Variants in KAT6A observed in about 807,000 individuals in gnomAD.
KAT6A encodes lysine acetyltransferase 6A.
A neutral mutation model predicts 198.4 loss-of-function variants in KAT6A; 9 were observed. The observed-to-expected ratio is 0.05, with a 90% CI of 0.03 to 0.08. The LOEUF is 0.08. Ranked by LOEUF, KAT6A falls within the 10% of genes least tolerant of loss-of-function variation. The pLI, the probability that KAT6A is intolerant of heterozygous loss-of-function variation, is 1.00. For synonymous variants in KAT6A, 890 were observed against 883.0 expected (o/e 1.01, Z -0.14); for missense variants, 2,077 against 2,509.9 (o/e 0.83, Z 3.69).
At chr8:41,951,809 A>AT (rs935549735) in intron 9 of KAT6A, among the ~76,000 whole-genome samples, 16 of 152,340 alleles carry the variant, frequency 1.1e-4, no homozygotes, top group African/African-American at 3.6e-4. Flanking sequence ...CTTGTAGCAA[A>AT]TTTTTAATGT....
chr8:42,025,208 T>TTG (rs1554696905), intron 2 of KAT6A, among the ~76,000 whole-genome samples: 1 of 151,958 alleles, frequency 6.6e-6, no homozygotes, highest in African/African-American at 2.4e-5. Flanking sequence ...CTGAGGTTTT[T>TTG]TTTTGTTTTG....
chr8:42,031,041 G>A lies in KAT6A; in HGVS notation c.600+17337C>T, dbSNP rs1185032454. Among the ~76,000 whole-genome samples the A allele has an allele frequency of 4.4e-5, 6 of 135,932 alleles. 2 individuals are homozygous for A. Among genetic ancestry groups the A allele is most frequent in the Admixed American group, 1.4e-4 (2 of 13,860 alleles). The allele number at this position is 135,932 out of a possible 152,430, so 89.2% of individuals were successfully genotyped here. On this transcript the variant is annotated intron_variant, in intron 2 of 16. Coordinates refer to ENST00000265713, the MANE Select transcript of KAT6A (RefSeq NM_006766.5). The stretch of plus-strand genomic sequence containing the variant: ...CTGCCAAATGCAAAAAAAAAAAAGG[G>A]GGGGGGGACAGGAGAAATGTATACA...
Position 41,947,684 on chromosome 8 carries a change from G to T in KAT6A, c.1902+67C>A, listed in dbSNP as rs551158621. Reference sequence around the variant, plus strand: ...GCTGCATCTTGTTGTGTCCCCGAGTGAGAACCAGCAAAGATTCTTTCAGAT... The same window carrying T: ...GCTGCATCTTGTTGTGTCCCCGAGTTAGAACCAGCAAAGATTCTTTCAGAT... On this transcript the variant is annotated intron_variant, in intron 11 of 16. Transcript: ENST00000265713. 1.1e-5 allele frequency: 15 copies of T among 1,323,826 alleles called. No individual in the cohort carries two copies. The Admixed American group carries it at 2.0e-4, about 18-fold the overall frequency. 82.0% of individuals were successfully genotyped at this position (1,323,826 alleles called of 1,614,324 possible). A position where few individuals can be genotyped will look rare whatever the true frequency, so the allele number is the denominator to read the frequency against.
At chr8:41,935,728 T>C (rs1035152586) in intron 16 of KAT6A, among the ~76,000 whole-genome samples, 1 of 152,134 alleles carries the variant, frequency 6.6e-6, no homozygotes, top group African/African-American at 2.4e-5. Context: ...AAGGCACAGT[T>C]AGTAGTAGTA....
intron 2 of KAT6A, among the ~76,000 whole-genome samples, chr8:42,045,577 A>C (rs920454837): frequency 3.3e-5 from 5 of 151,738 alleles, no homozygotes; most frequent in African/African-American, 9.7e-5. Context: ...AAAAAAAAAA[A>C]ACAAAAAAAC....
Position 42,015,129 on chromosome 8 carries a change from T to C in KAT6A, c.601-27566A>G, listed in dbSNP as rs144566736. Among the ~76,000 whole-genome samples, 436 of 152,332 alleles carry C rather than the reference T, an allele frequency of 2.9e-3. 4 individuals are homozygous for C. In the East Asian group the frequency reaches 0.03, roughly 10 times the overall value. The stretch of plus-strand genomic sequence containing the variant: ...AGGCTATAATGTCAAAGTCAGAGGT[T>C]GTCTGCCAATGTTATCCACAAAAAC... On this transcript the variant is annotated intron_variant, in intron 2 of 16. Coordinates refer to ENST00000265713, the MANE Select transcript of KAT6A (RefSeq NM_006766.5).
At chr8:42,016,958 C>A (rs990912732) in intron 2 of KAT6A, among the ~76,000 whole-genome samples, 11 of 152,152 alleles carry the variant, frequency 7.2e-5, no homozygotes, top group Admixed American at 5.9e-4. Flanking sequence ...TTATCAATAT[C>A]TCTTCAATAG....
chr8:41,984,456 C>A (rs1733391152), intron 3 of KAT6A, among the ~76,000 whole-genome samples: 1 of 152,148 alleles, frequency 6.6e-6, no homozygotes, highest in African/African-American at 2.4e-5. Context: ...GTAAATGAGC[C>A]ATCGTGGAAG....
chr8:41,998,173 T>C (rs1178967981), intron 2 of KAT6A, among the ~76,000 whole-genome samples: 2 of 152,168 alleles, frequency 1.3e-5, no homozygotes, highest in Non-Finnish European at 2.9e-5. Context: ...CTTATAAATG[T>C]CAGTCAATTC....
chr8:41,941,992 T>C (rs1337620052), intron 14 of KAT6A: 1 of 179,254 alleles, frequency 5.6e-6, no homozygotes, highest in African/African-American at 2.4e-5. Flanking sequence ...GTTTTTAAAT[T>C]TACTTTTATT....
intron 2 of KAT6A, among the ~76,000 whole-genome samples, chr8:41,997,626 A>G (rs1028860055): frequency 5.3e-5 from 8 of 152,276 alleles, no homozygotes; most frequent in Non-Finnish European, 1.2e-4. Flanking sequence ...TGACCACCAT[A>G]TATCTTATCC....
rs774932676 is a variant in KAT6A, at chr8:41,941,415, T to C, written c.2466A>G (p.Lys822=). 1 of 1,603,814 alleles carries C rather than the reference T, an allele frequency of 6.2e-7. No homozygotes were observed. Among genetic ancestry groups the C allele is most frequent in the South Asian group, 1.1e-5 (1 of 89,910 alleles). Reference sequence around the variant, plus strand: ...TTTCTACTGAATAAGAATCTTGTTCTTTGTTCTCATGAGACACAGACTTTC... The same window carrying C: ...TTTCTACTGAATAAGAATCTTGTTCCTTGTTCTCATGAGACACAGACTTTC... The part of the protein sequence containing the change: ...SVGKSVSHEN[K]EQDSYSVESE... The change falls in exon 15 of 17, where the codon AAA becomes AAG. Residue 822 remains lysine (K), a synonymous_variant. Transcript: ENST00000265713.
chr8:41,987,414 C>T (rs778961693), intron 3 of KAT6A, 41 bp downstream of exon 3: 2 of 1,246,838 alleles, frequency 1.6e-6, no homozygotes, highest in Non-Finnish European at 2.4e-6. Flanking sequence ...CGCTTGCCTT[C>T]GTAACACATT....
rs1374405049 is a variant in KAT6A, at chr8:41,932,671, G to A, written c.5549C>T (p.Pro1850Leu). 6.2e-6 allele frequency: 10 copies of A among 1,614,120 alleles called. No homozygotes were observed. Among genetic ancestry groups the A allele is most frequent in the Admixed American group, 1.7e-5 (1 of 60,012 alleles). ...GCGGATGGAAATGTGCCCCTTCACT[G>A]GCATTTGCCCTTGCAATCTCTGCGT... is the stretch of plus-strand genomic sequence containing the variant. The part of the protein sequence containing the change: ...PHTQRLQGQM[P>L]VKGHISIRSK... Residue 1850 changes from proline to leucine, a missense_variant, in exon 17 of 17, where the codon CCA becomes CTA. This residue lies in a region of KAT6A where 500 missense variants were observed against 577.2 expected (regional missense o/e 0.87). Coordinates refer to ENST00000265713, the MANE Select transcript of KAT6A (RefSeq NM_006766.5).
At chr8:41,952,741 G>A (rs896906567) in intron 9 of KAT6A, among the ~76,000 whole-genome samples, 7 of 152,118 alleles carry the variant, frequency 4.6e-5, no homozygotes, top group Non-Finnish European at 7.4e-5. Flanking sequence ...ACAAAATTAA[G>A]AATAGAGGTT....
At chr8:41,945,473 T>C (rs1181996473) in intron 12 of KAT6A, among the ~76,000 whole-genome samples, 1 of 151,984 alleles carries the variant, frequency 6.6e-6, no homozygotes, top group Non-Finnish European at 1.5e-5. Flanking sequence ...GGTTTCACCA[T>C]GTTGGGCAGG....
At chr8:41,994,145 C>A (rs771423907) in intron 2 of KAT6A, among the ~76,000 whole-genome samples, 1 of 152,134 alleles carries the variant, frequency 6.6e-6, no homozygotes, top group Non-Finnish European at 1.5e-5. Flanking sequence ...TTCCCATGAT[C>A]TATATAAAGT....
intron 2 of KAT6A, among the ~76,000 whole-genome samples, chr8:42,036,791 T>C (rs927738759): frequency 6.6e-6 from 1 of 152,070 alleles, no homozygotes; most frequent in Non-Finnish European, 1.5e-5. Flanking sequence ...AAGATCTTCT[T>C]GAGATAAAGC....
At chr8:42,029,034 T>C (rs1447983193) in intron 2 of KAT6A, among the ~76,000 whole-genome samples, 7 of 152,236 alleles carry the variant, frequency 4.6e-5, no homozygotes, top group Admixed American at 6.5e-5. Context: ...AAGAATTTAT[T>C]TATCTTTCAT....
Sources: allele counts gnomAD v4.1 joint callset (sites outside exome capture counted in the v4.1 genomes callset), GRCh38; gene constraint gnomAD v4.1.1; regional missense constraint gnomAD v4.1.1; transcripts MANE v1.5; gene names NCBI Gene and HGNC (gene_info 2026-07-23, HGNC 2026-07-21).